UTS2B: variants seen among roughly 807,000 people sequenced by gnomAD.
UTS2B encodes the protein urotensin-2B.
A neutral mutation model predicts 19.2 loss-of-function variants in UTS2B; 21 were observed. The ratio of observed to expected loss-of-function variants is 1.09; its 90% CI spans 0.78 to 1.58. UTS2B has a LOEUF of 1.58. Ranked by LOEUF, UTS2B falls within the 40% of genes most tolerant of loss-of-function variation. The pLI, the probability that UTS2B is intolerant of heterozygous loss-of-function variation, is 0.00. For missense variants in UTS2B, 138 were observed against 130.3 expected (o/e 1.06, Z -0.29); for synonymous variants, 57 against 50.2 (o/e 1.14, Z -0.58).
chr3:191,335,753 G>C, the UTS2B span, among the ~76,000 whole-genome samples: 8 of 152,224 alleles, frequency 5.3e-5, no homozygotes, highest in East Asian at 5.8e-4. Flanking sequence ...TTATTTATCA[G>C]TGGTTCTTTC....
chr3:191,289,760 A>G (rs1342442750), intron 4 of UTS2B, among the ~76,000 whole-genome samples: 1 of 152,222 alleles, frequency 6.6e-6, no homozygotes, highest in African/African-American at 2.4e-5. Context: ...AGAAGCAGAG[A>G]GGAAAATGGT....
At chr3:191,301,672 G>C (rs1213619607) in intron 4 of UTS2B, among the ~76,000 whole-genome samples, 1 of 151,214 alleles carries the variant, frequency 6.6e-6, no homozygotes, top group African/African-American at 2.4e-5. Context: ...TGTATTTTTA[G>C]TAGAGACGGG....
rs755034515 is a variant in UTS2B, at chr3:191,282,118, T to C, written c.72A>G (p.Gln24=). The change falls in exon 5 of 9, where the codon CAA becomes CAG. Residue 24 remains glutamine (Q), a synonymous_variant. Transcript: ENST00000340524. ...LTLLSVLSFL[Q]SVHGRPYLTQ... ...TAAGATATGGTCGTCCATGCACAGA[T>C]TGTAAAAAACTCAACACGGATAACA... The C allele has an allele frequency of 1.1e-5, 18 of 1,613,448 alleles. No individual in the cohort carries two copies. Among genetic ancestry groups the C allele is most frequent in the East Asian group, 2.2e-5 (1 of 44,838 alleles).
chr3:191,295,962 A>C (rs1483346201), intron 4 of UTS2B, among the ~76,000 whole-genome samples: 1 of 152,196 alleles, frequency 6.6e-6, no homozygotes, highest in Non-Finnish European at 1.5e-5. Flanking sequence ...TCTCCCCTTC[A>C]TTCTCCAAAA....
the UTS2B span, among the ~76,000 whole-genome samples, chr3:191,339,899 A>G: frequency 6.6e-6 from 1 of 152,250 alleles, no homozygotes; most frequent in Non-Finnish European, 1.5e-5. Context: ...ACAGTTGGAT[A>G]TAAGCAGATT....
intron 5 of UTS2B, among the ~76,000 whole-genome samples, chr3:191,280,893 T>C (rs1269392324): frequency 1.3e-5 from 2 of 152,176 alleles, no homozygotes; most frequent in Admixed American, 6.5e-5. Context: ...AATGCAATGA[T>C]TGTGGCTGAC....
chr3:191,301,340 T>C (rs570783766), intron 4 of UTS2B, among the ~76,000 whole-genome samples: 14 of 152,324 alleles, frequency 9.2e-5, no homozygotes, highest in African/African-American at 3.4e-4. Flanking sequence ...GCCACTACCT[T>C]GTCTTCCACA....
At chr3:191,281,493 A>T (rs1195068332) in intron 5 of UTS2B, among the ~76,000 whole-genome samples, 1 of 151,544 alleles carries the variant, frequency 6.6e-6, no homozygotes, top group African/African-American at 2.4e-5. Flanking sequence ...ATTTTCACTA[A>T]TTTTATCATG....
At chr3:191,334,414 C>T (rs1202601432), upstream of UTS2B, among the ~76,000 whole-genome samples, 1 of 152,084 alleles carries the variant, frequency 6.6e-6, no homozygotes, top group Non-Finnish European at 1.5e-5. Context: ...AGGTACTTAA[C>T]GGACGACTCA....
chr3:191,295,669 A>G (rs975625474), intron 4 of UTS2B, among the ~76,000 whole-genome samples: 2 of 151,948 alleles, frequency 1.3e-5, no homozygotes, highest in Non-Finnish European at 2.9e-5. Flanking sequence ...CAACCATGTC[A>G]CAAACTGAAC....
chr3:191,316,907 G>T (rs943232576), intron 2 of UTS2B, among the ~76,000 whole-genome samples: 3 of 152,250 alleles, frequency 2.0e-5, no homozygotes, highest in African/African-American at 7.2e-5. Context: ...AGACATAAAA[G>T]TTCTCCAAGT....
chr3:191,304,595 C>T (rs1717088597), intron 3 of UTS2B, 47 bp from the exon 4 acceptor site: 1 of 152,308 alleles, frequency 6.6e-6, no homozygotes, highest in East Asian at 1.9e-4. Context: ...CTCTCGTATC[C>T]TCTTTAACCT....
At chr3:191,277,243 T>C (rs1429584115) in intron 6 of UTS2B, among the ~76,000 whole-genome samples, 1 of 152,146 alleles carries the variant, frequency 6.6e-6, no homozygotes, top group East Asian at 1.9e-4. Context: ...TTCTCCAAAA[T>C]ACTAAGGCTA....
At chr3:191,271,608 C>G (rs1042230934) in intron 8 of UTS2B, among the ~76,000 whole-genome samples, 1 of 152,152 alleles carries the variant, frequency 6.6e-6, no homozygotes, top group African/African-American at 2.4e-5. Flanking sequence ...CTTCTTTGTA[C>G]CTACTCCTAC....
chr3:191,273,434 T>C (rs1716144381), intron 8 of UTS2B: 5 of 455,938 alleles, frequency 1.1e-5, no homozygotes, highest in Non-Finnish European at 2.2e-5. Flanking sequence ...TCCCGGCCAA[T>C]GGACTTCAGT....
intron 4 of UTS2B, among the ~76,000 whole-genome samples, chr3:191,294,388 GA>G (rs530381536): frequency 5.3e-5 from 8 of 151,602 alleles, no homozygotes; most frequent in African/African-American, 9.7e-5. Flanking sequence ...GCCTTTGTAA[GA>G]AAAAAAACTC....
At chr3:191,284,433 T>G (rs1170879913) in intron 4 of UTS2B, among the ~76,000 whole-genome samples, 1 of 151,906 alleles carries the variant, frequency 6.6e-6, no homozygotes, top group Non-Finnish European at 1.5e-5. Context: ...TCGATTCCCC[T>G]GCCTCAGCCT....
intron 2 of UTS2B, among the ~76,000 whole-genome samples, chr3:191,326,593 CTTGT>C (rs1378714901): frequency 6.6e-6 from 1 of 152,170 alleles, no homozygotes; most frequent in Non-Finnish European, 1.5e-5. Flanking sequence ...TGCTGAATTA[CTTGT>C]TTGGCATCTG....
rs370020778 is a variant in UTS2B at position 191,289,278 on chromosome 3, A to G, written c.-124-6965T>C. On this transcript the variant is annotated intron_variant, in intron 4 of 8. Transcript: ENST00000340524. ...TAAAAAATTAGCCAGGCATGGTGGC[A>G]GGCGCCTGTAGGCCCAGGTGCTCGG... Among the ~76,000 whole-genome samples, 643 of 152,022 alleles carry G rather than the reference A, an allele frequency of 4.2e-3. 1 individual carries two copies. Among genetic ancestry groups the G allele is most frequent in the African/African-American group, 0.014 (582 of 41,494 alleles).
Sources: gnomAD v4.1 joint callset for allele counts (sites outside exome capture counted in the v4.1 genomes callset) on GRCh38, gnomAD v4.1.1 for gene constraint, MANE v1.5 for transcripts, NCBI Gene and HGNC (gene_info 2026-07-23, HGNC 2026-07-21) for gene names.